Variants in POF1B observed in about 807,000 individuals in gnomAD.
POF1B encodes protein POF1B.
POF1B carries 53 observed loss-of-function variants against 55.3 expected under a neutral mutation model. The observed-to-expected ratio is 0.96, with a 90% confidence interval of 0.77 to 1.20. The LOEUF (loss-of-function observed/expected upper bound fraction) is 1.20. Ranked by LOEUF, POF1B falls within the 50% of genes most tolerant of loss-of-function variation. The pLI is 0.00. For synonymous variants in POF1B, 188 were observed against 148.3 expected, an observed-to-expected ratio of 1.27 and a Z score of -1.95; for missense variants, 478 against 420.5, an observed-to-expected ratio of 1.14 and a Z score of -1.20.
chrX:85,351,569 G>T, intron 4 of POF1B, 118 bp from the exon 5 acceptor site: 1 of 468,192 alleles, frequency 2.1e-6, no homozygotes. Context: ...CTTAGGAAGA[G>T]AGAGGAATGA....
intron 3 of POF1B, among the ~76,000 whole-genome samples, chrX:85,366,912 A>G (rs143560651): frequency 2.6e-3 from 285 of 111,247 alleles, no homozygotes; most frequent in African/African-American, 8.9e-3. Flanking sequence ...TTTTCTGCAT[A>G]ATATCATATT....
intron 2 of POF1B, among the ~76,000 whole-genome samples, chrX:85,368,066 A>G (rs1418499950): frequency 1.8e-5 from 2 of 112,062 alleles, no homozygotes; most frequent in Non-Finnish European, 3.8e-5. Context: ...CAATGTTATT[A>G]TATGTTTGCA....
At chrX:85,311,971 T>C (rs1932712447) in intron 9 of POF1B, among the ~76,000 whole-genome samples, 1 of 112,449 alleles carries the variant, frequency 8.9e-6, no homozygotes. Context: ...CATTAATGTC[T>C]TATTTTGAGA....
At chrX:85,379,552 G>C in intron 1 of POF1B, 57 bp from the exon 2 acceptor site, 1 of 945,975 alleles carries the variant, frequency 1.1e-6, no homozygotes, top group Non-Finnish European at 1.4e-6. Context: ...CAGGCAGTCA[G>C]GCAGGCAGAC....
intron 13 of POF1B, among the ~76,000 whole-genome samples, chrX:85,304,863 C>T (rs1435979535): frequency 9.0e-6 from 1 of 111,454 alleles, no homozygotes; most frequent in Non-Finnish European, 1.9e-5. Flanking sequence ...TATCTCAGTT[C>T]TCACAGCAGT....
At chrX:85,326,359 G>A (rs1932896909) in intron 7 of POF1B, among the ~76,000 whole-genome samples, 1 of 110,861 alleles carries the variant, frequency 9.0e-6, no homozygotes, top group Admixed American at 9.5e-5. Flanking sequence ...TGGGGCACTG[G>A]TAGCACTGGA....
chrX:85,378,414 T>C (rs1285134644), intron 2 of POF1B, among the ~76,000 whole-genome samples: 1 of 111,863 alleles, frequency 8.9e-6, no homozygotes, highest in East Asian at 2.8e-4. Flanking sequence ...TCTTGCAGGG[T>C]TACCTTGTAT....
chrX:85,293,076 G>A (rs1932228031), intron 15 of POF1B, among the ~76,000 whole-genome samples: 1 of 111,966 alleles, frequency 8.9e-6, no homozygotes, highest in African/African-American at 3.2e-5. Context: ...TACACTGTTG[G>A]AGGTGTGTAA....
chrX:85,359,673 A>G, intron 3 of POF1B, 43 bp from the exon 4 acceptor site: 1 of 974,844 alleles, frequency 1.0e-6, no homozygotes, highest in South Asian at 2.1e-5. Context: ...ATAGTTATTT[A>G]ATGAGCTTGG....
At chrX:85,337,639 T>A (rs1029318200) in intron 6 of POF1B, among the ~76,000 whole-genome samples, 3 of 111,739 alleles carry the variant, frequency 2.7e-5, no homozygotes, top group African/African-American at 9.7e-5. Flanking sequence ...TGTACAATAG[T>A]CACAATTCTA....
At chrX:85,286,577 C>G (rs1932059932) in intron 15 of POF1B, among the ~76,000 whole-genome samples, 1 of 111,205 alleles carries the variant, frequency 9.0e-6, no homozygotes, top group African/African-American at 3.3e-5. Flanking sequence ...TACAAACAAA[C>G]TAATAGATTA....
chrX:85,291,848 A>G (rs186096945), intron 15 of POF1B, among the ~76,000 whole-genome samples: 31 of 111,580 alleles, frequency 2.8e-4, no homozygotes, highest in Middle Eastern at 4.6e-3. Flanking sequence ...TTCTAGATAT[A>G]GGATCATGTC....
intron 3 of POF1B, among the ~76,000 whole-genome samples, chrX:85,364,504 A>C (rs774619895): frequency 9.0e-6 from 1 of 111,583 alleles, no homozygotes; most frequent in Non-Finnish European, 1.9e-5. Flanking sequence ...CCTTTGCATA[A>C]GAAGCTTAGT....
intron 15 of POF1B, among the ~76,000 whole-genome samples, chrX:85,291,755 T>A (rs1424995228): frequency 9.0e-6 from 1 of 111,045 alleles, no homozygotes; most frequent in African/African-American, 3.3e-5. Flanking sequence ...TGCTAGTGAT[T>A]TTTGCATATT....
intron 5 of POF1B, among the ~76,000 whole-genome samples, chrX:85,347,031 T>C (rs989573139): frequency 4.5e-5 from 5 of 111,163 alleles, no homozygotes; most frequent in African/African-American, 1.6e-4. Flanking sequence ...ACTAAATCTT[T>C]GTTATTTGCT....
At chrX:85,321,245 T>C (rs1448502209) in intron 7 of POF1B, among the ~76,000 whole-genome samples, 1 of 110,676 alleles carries the variant, frequency 9.0e-6, no homozygotes, top group Non-Finnish European at 1.9e-5. Context: ...TTATCCACCA[T>C]GATCAAGTGG....
intron 6 of POF1B, among the ~76,000 whole-genome samples, chrX:85,332,278 C>T (rs1356138776): frequency 9.0e-6 from 1 of 111,434 alleles, no homozygotes; most frequent in Non-Finnish European, 1.9e-5. Flanking sequence ...TTTAGTCAAT[C>T]TCACATGGGA....
intron 15 of POF1B, among the ~76,000 whole-genome samples, chrX:85,282,594 G>T (rs1292902237): frequency 1.8e-5 from 2 of 111,326 alleles, no homozygotes; most frequent in Non-Finnish European, 3.8e-5. Flanking sequence ...GGAAGCAAAT[G>T]ATATGGGCCC....
At chrX:85,318,877 C>A (rs1444384998) in intron 7 of POF1B, among the ~76,000 whole-genome samples, 1 of 111,460 alleles carries the variant, frequency 9.0e-6, no homozygotes. Flanking sequence ...ATATGAATTT[C>A]AAAATAGTTT....
Sources: allele counts gnomAD v4.1 joint callset (sites outside exome capture counted in the v4.1 genomes callset), GRCh38; gene constraint gnomAD v4.1.1; transcripts MANE v1.5; gene names NCBI Gene and HGNC (gene_info 2026-07-23, HGNC 2026-07-21).